CPED1: variants seen among roughly 807,000 people sequenced by gnomAD.
CPED1 encodes the protein cadherin-like and PC-esterase domain-containing protein 1.
In CPED1, 114 loss-of-function variants were observed where a neutral mutation model predicts 128.2. That is an observed-to-expected ratio of 0.89 (90% CI 0.76 to 1.04). CPED1 has a LOEUF of 1.04. Ranked by LOEUF, CPED1 falls within the 50% of genes least tolerant of loss-of-function variation. The pLI is 0.00. For synonymous variants in CPED1, 462 were observed against 426.7 expected, an observed-to-expected ratio of 1.08 and a Z score of -1.02; for missense variants, 1,211 against 1,207.1, an observed-to-expected ratio of 1.00 and a Z score of -0.05.
At chr7:121,173,875 C>T (rs538504704) in intron 16 of CPED1, among the ~76,000 whole-genome samples, 53 of 151,916 alleles carry the variant, frequency 3.5e-4, no homozygotes, top group Non-Finnish European at 5.3e-4. Flanking sequence ...CCTTTTTTGC[C>T]GCAACATCAC....
At chr7:121,113,652 A>T (rs189503910) in intron 7 of CPED1, among the ~76,000 whole-genome samples, 10 of 152,058 alleles carry the variant, frequency 6.6e-5, no homozygotes, top group African/African-American at 2.4e-4. Context: ...GGTGAGAGGG[A>T]TGGGGAAGGA....
At position 121,296,379 on chromosome 7, in the gene CPED1, A is replaced by G. The variant is rs1441930550; in HGVS notation, c.*727A>G. On this transcript the variant is annotated 3_prime_UTR_variant, in exon 23 of 23. Coordinates refer to ENST00000310396, the MANE Select transcript of CPED1 (RefSeq NM_024913.5). ...CGATGGGTAACTGCAGTCTGAATTAATGAAATATGTAATTTTAAAGTAAGT... is the reference window on the plus strand; with the variant it reads ...CGATGGGTAACTGCAGTCTGAATTAGTGAAATATGTAATTTTAAAGTAAGT... The G allele has an allele frequency of 6.6e-6, 1 of 152,180 alleles. No individual in the cohort carries two copies. Among genetic ancestry groups the G allele is most frequent in the Non-Finnish European group, 1.5e-5 (1 of 67,998 alleles). The allele number at this position is 152,180 out of a possible 1,614,324, so 9.4% of individuals were successfully genotyped here.
At chr7:121,107,853 A>G (rs1178025857) in intron 7 of CPED1, among the ~76,000 whole-genome samples, 1 of 152,134 alleles carries the variant, frequency 6.6e-6, no homozygotes, top group East Asian at 1.9e-4. Flanking sequence ...TTCTAAATAT[A>G]AAATATCCTC....
At chr7:121,234,743 C>A (rs1798215658) in intron 16 of CPED1, among the ~76,000 whole-genome samples, 1 of 151,974 alleles carries the variant, frequency 6.6e-6, no homozygotes, top group African/African-American at 2.4e-5. Context: ...TCCTTTTATT[C>A]TCTTAACAGA....
chr7:121,218,382 TTAG>T (rs1367479372), intron 16 of CPED1, among the ~76,000 whole-genome samples: 1 of 151,988 alleles, frequency 6.6e-6, no homozygotes, highest in Non-Finnish European at 1.5e-5. Flanking sequence ...TTCAACTCTC[TTAG>T]TAGTGCCACT....
At chr7:121,260,390 A>G (rs1791988987) in intron 18 of CPED1, among the ~76,000 whole-genome samples, 1 of 151,916 alleles carries the variant, frequency 6.6e-6, no homozygotes, top group Non-Finnish European at 1.5e-5. Flanking sequence ...ACCGCATCAC[A>G]TTTCACAGAG....
intron 14 of CPED1, among the ~76,000 whole-genome samples, chr7:121,138,335 C>G (rs1275886723): frequency 1.3e-5 from 2 of 151,998 alleles, no homozygotes; most frequent in African/African-American, 4.8e-5. Flanking sequence ...CTGGGTTCTC[C>G]GTAGATCTCA....
intron 16 of CPED1, among the ~76,000 whole-genome samples, chr7:121,158,521 G>A (rs1325945608): frequency 1.3e-5 from 2 of 151,022 alleles, no homozygotes; most frequent in Non-Finnish European, 2.9e-5. Flanking sequence ...CTCCTTAGAA[G>A]AAACATTTCA....
intron 3 of CPED1, among the ~76,000 whole-genome samples, chr7:121,031,150 A>T (rs952278728): frequency 1.3e-5 from 2 of 152,222 alleles, no homozygotes; most frequent in African/African-American, 4.8e-5. Flanking sequence ...ATTTTTAAAC[A>T]AATTCCTTCT....
chr7:121,128,001 T>G (rs924513398), intron 10 of CPED1, among the ~76,000 whole-genome samples: 26 of 152,190 alleles, frequency 1.7e-4, no homozygotes, highest in African/African-American at 6.0e-4. Context: ...TGCTCCAGAT[T>G]GACGTCAGAG....
chr7:121,151,891 G>A (rs1304344442), intron 16 of CPED1, among the ~76,000 whole-genome samples: 2 of 152,096 alleles, frequency 1.3e-5, no homozygotes, highest in African/African-American at 2.4e-5. Flanking sequence ...CAATAGGCAT[G>A]TGTTGTAGGA....
intron 17 of CPED1, among the ~76,000 whole-genome samples, chr7:121,241,208 C>T (rs1193684403): frequency 2.0e-5 from 2 of 97,810 alleles, no homozygotes; most frequent in East Asian, 4.3e-4. Context: ...ATTAGCCGGG[C>T]GTAGTGGCGG....
At chr7:121,014,453 A>T (rs1322291169) in intron 2 of CPED1, among the ~76,000 whole-genome samples, 1 of 151,262 alleles carries the variant, frequency 6.6e-6, no homozygotes, top group Non-Finnish European at 1.5e-5. Context: ...TGGGAGGCTG[A>T]GGCAGGAGAA....
intron 16 of CPED1, among the ~76,000 whole-genome samples, chr7:121,193,729 G>A (rs1365946108): frequency 1.3e-5 from 2 of 151,968 alleles, no homozygotes; most frequent in Non-Finnish European, 2.9e-5. Context: ...CTACAGAGGA[G>A]GAACTTGAAG....
At chr7:121,288,649 C>T (rs542535886) in intron 22 of CPED1, among the ~76,000 whole-genome samples, 1 of 152,246 alleles carries the variant, frequency 6.6e-6, no homozygotes, top group African/African-American at 2.4e-5. Flanking sequence ...CAGCATTATC[C>T]AATGGTTGTA....
chr7:121,000,470 T>C (rs959032768), intron 2 of CPED1, among the ~76,000 whole-genome samples: 1 of 152,120 alleles, frequency 6.6e-6, no homozygotes, highest in African/African-American at 2.4e-5. Context: ...AGGCTAGGGG[T>C]ATTTACGATC....
chr7:121,061,441 A>T (rs1338765764), intron 4 of CPED1, among the ~76,000 whole-genome samples: 1 of 152,220 alleles, frequency 6.6e-6, no homozygotes, highest in Admixed American at 6.5e-5. Context: ...TGTATATATT[A>T]AAAATGATAA....
intron 2 of CPED1, among the ~76,000 whole-genome samples, chr7:120,999,054 G>A (rs1403373333): frequency 6.6e-6 from 1 of 152,128 alleles, no homozygotes; most frequent in Non-Finnish European, 1.5e-5. Flanking sequence ...GATACATAGT[G>A]AGCATTGAAT....
intron 18 of CPED1, among the ~76,000 whole-genome samples, chr7:121,247,447 G>A (rs1444311650): frequency 6.6e-6 from 1 of 152,172 alleles, no homozygotes; most frequent in African/African-American, 2.4e-5. Flanking sequence ...AGAGATCAAG[G>A]TTTCAAGTAA....
Sources: allele counts gnomAD v4.1 joint callset (sites outside exome capture counted in the v4.1 genomes callset), GRCh38; gene constraint gnomAD v4.1.1; transcripts MANE v1.5; gene names NCBI Gene and HGNC (gene_info 2026-07-23, HGNC 2026-07-21).